The following CELSR1 variants were observed in gnomAD, a reference collection of about 807,000 sequenced individuals.
The protein encoded by CELSR1 is cadherin EGF LAG seven-pass G-type receptor 1.
Under a neutral mutation model 249.1 loss-of-function variants are expected in CELSR1, and 110 were observed. That is an observed-to-expected ratio of 0.44 (90% CI 0.38 to 0.52). The LOEUF is 0.52. CELSR1 is among the 20% of genes least tolerant of loss of function. The pLI, the probability that CELSR1 is intolerant of heterozygous loss-of-function variation, is 0.00. For synonymous variants in CELSR1, 2,113 were observed against 1,900.0 expected (o/e 1.11, Z -2.92); for missense variants, 4,109 against 4,296.4 (o/e 0.96, Z 1.22).
rs1313497324 is a variant in CELSR1 at position 46,440,713 on chromosome 22, C to T, written c.4184-1302G>A. ...AGCTCCTCGTAAATTATGGAAGGAA[C>T]TATTGTCATTTTCATGGCAATTTCC... On this transcript the variant is annotated intron_variant, in intron 2 of 34. Transcript: ENST00000674500. The surrounding 1 kb of genome is among the most constrained non-coding windows in gnomAD (Gnocchi z 4.7). 6.6e-6 allele frequency among the ~76,000 whole-genome samples: 1 copy of T among 152,184 alleles called. No homozygotes were observed. The highest frequency in any genetic ancestry group is 1.5e-5 in the Non-Finnish European group (1 of 68,032).
chr22:46,466,594 C>G (rs1029164907), intron 1 of CELSR1, among the ~76,000 whole-genome samples: 1 of 152,200 alleles, frequency 6.6e-6, no homozygotes, highest in African/African-American at 2.4e-5. Flanking sequence ...TGAGCCTGGC[C>G]ACACTGTGAG....
chr22:46,363,990 A>T lies in CELSR1; in HGVS notation c.9035+6T>A. 6.3e-7 allele frequency: 1 copy of T among 1,593,706 alleles called. No individual in the cohort carries two copies. The highest frequency in any genetic ancestry group is 2.3e-5 in the East Asian group (1 of 44,200). On this transcript the variant is annotated splice_donor_region_variant and intron_variant, in intron 34 of 34. Transcript: ENST00000674500. This position sits in a 1 kb window ranked among gnomAD's most constrained non-coding sequence, Gnocchi z 4.3. ...GATCCCCGCCCTGGAGGCCCAGGCT[A>T]CTCACTCAGAGTCGGAGCCATCGGC... is the stretch of plus-strand genomic sequence containing the variant.
intron 2 of CELSR1, among the ~76,000 whole-genome samples, chr22:46,461,400 C>A (rs954546518): frequency 6.6e-6 from 1 of 152,214 alleles, no homozygotes; most frequent in Non-Finnish European, 1.5e-5. Flanking sequence ...GGGTTCCCCC[C>A]AATGGGTCAA....
In CELSR1 at chr22:46,393,059, G is replaced by GA. The variant is rs2079110691; in HGVS notation, c.5964+1082dup. 6.6e-6 allele frequency among the ~76,000 whole-genome samples: 1 copy of GA among 152,106 alleles called. No homozygotes were observed. Among genetic ancestry groups the GA allele is most frequent in the Non-Finnish European group, 1.5e-5 (1 of 68,018 alleles). ...GGAACCACCGCAGGCACTGGGGGGGGACACTACTGACATCACGAGATGGCA... is the reference window on the plus strand; with the variant it reads ...GGAACCACCGCAGGCACTGGGGGGGGAACACTACTGACATCACGAGATGGCA... On this transcript the variant is annotated intron_variant, in intron 14 of 34. Transcript: ENST00000674500. This position sits in a 1 kb window ranked among gnomAD's most constrained non-coding sequence, Gnocchi z 4.1.
chr22:46,453,948 G>A (rs76864293), intron 2 of CELSR1, among the ~76,000 whole-genome samples: 2,656 of 152,314 alleles, frequency 0.017, 70 homozygotes, highest in African/African-American at 0.058. Context: ...CCCAAAAGGC[G>A]TCCACATCTT....
chr22:46,422,027 T>G (rs141718849), intron 5 of CELSR1, among the ~76,000 whole-genome samples: 1 of 152,288 alleles, frequency 6.6e-6, no homozygotes, highest in Non-Finnish European at 1.5e-5. Context: ...TTACATACTT[T>G]GCAAGGCTTA....
rs750953300 is a variant in CELSR1 at position 46,369,815 on chromosome 22, C to T, written c.7760-11G>A. On this transcript the variant is annotated splice_polypyrimidine_tract_variant and intron_variant, in intron 25 of 34. Coordinates refer to ENST00000674500, the MANE Select transcript of CELSR1 (RefSeq NM_001378328.1). ...GGCCGACCGCCAGTCCTGAACACAG[C>T]GGGGAGGAAGGGAAGGGTGAGGGCC... 4.0e-5 allele frequency: 64 copies of T among 1,610,852 alleles called. No individual in the cohort carries two copies. The highest frequency in any genetic ancestry group is 8.9e-5 in the East Asian group (4 of 44,834).
At chr22:46,397,308 G>C (rs1239854465) in intron 12 of CELSR1, among the ~76,000 whole-genome samples, 1 of 133,714 alleles carries the variant, frequency 7.5e-6, no homozygotes, top group Non-Finnish European at 1.6e-5. Flanking sequence ...TTTTCGTAGA[G>C]ATGGGGTTTC....
chr22:46,390,480 G>A lies in CELSR1; in HGVS notation c.6257C>T (p.Ala2086Val), dbSNP rs775021743. 27 of 1,612,880 alleles carry A rather than the reference G, an allele frequency of 1.7e-5. No individual in the cohort carries two copies. The highest frequency in any genetic ancestry group is 2.7e-5 in the African/African-American group (2 of 74,902). ...CTTCTCCCCGCTGCAGTGTCGGACC[G>A]CATTTCCTGGGGAAGGAGAGCAGGT... ...VPCPKGSVGN[A>V]VRHCSGEKGW... Residue 2086 changes from alanine to valine, a missense_variant, in exon 17 of 35, where the codon GCG (alanine) becomes GTG (valine). Ala to Val is a moderately conservative substitution (Grantham distance 64, BLOSUM62 0). Coordinates refer to ENST00000674500, the MANE Select transcript of CELSR1 (RefSeq NM_001378328.1). This position sits in a 1 kb window ranked among gnomAD's most constrained non-coding sequence, Gnocchi z 6.3.
chr22:46,502,130 G>T (rs184927195), intron 1 of CELSR1, among the ~76,000 whole-genome samples: 29 of 151,460 alleles, frequency 1.9e-4, no homozygotes, highest in African/African-American at 6.3e-4. Context: ...GCACAGTGGC[G>T]CACAAGCCTG....
In CELSR1 at chr22:46,364,191, T is replaced by TTCAGCGTCTGCTCCG. The variant is rs2078739243; in HGVS notation, c.8825_8839dup (p.Thr2942_Leu2946dup). On this transcript the variant is annotated inframe_insertion, in exon 34 of 35. Coordinates refer to ENST00000674500, the MANE Select transcript of CELSR1 (RefSeq NM_001378328.1). ...GGCCAGCTTCTCCCGGAGCCGGCCC[T>TTCAGCGTCTGCTCCG]TCAGCGTCTGCTCCGTCAGCGTCAG... is the stretch of plus-strand genomic sequence containing the variant. 4 of 1,612,016 alleles carry TTCAGCGTCTGCTCCG rather than the reference T, an allele frequency of 2.5e-6. No homozygotes were observed. The East Asian group carries it at 8.9e-5, about 36-fold the overall frequency.
chr22:46,498,647 C>T (rs4823827), intron 1 of CELSR1, among the ~76,000 whole-genome samples: 66,160 of 151,176 alleles, frequency 0.44, 15,708 homozygotes, highest in East Asian at 0.84. Context: ...AACAACACTC[C>T]GGTGGTATGG....
intron 3 of CELSR1, 139 bp downstream of exon 3, chr22:46,439,050 G>A (rs1447879799): frequency 6.0e-5 from 50 of 830,292 alleles, no homozygotes; most frequent in East Asian, 1.8e-4. Context: ...GAGCCACCGC[G>A]CCTGGCCTGG....
chr22:46,426,538 C>T (rs539283295), intron 5 of CELSR1, among the ~76,000 whole-genome samples: 53 of 152,252 alleles, frequency 3.5e-4, no homozygotes, highest in African/African-American at 1.1e-3. Flanking sequence ...ATTCCACTCG[C>T]GGGAGACCCT....
In CELSR1 at chr22:46,423,932, T is replaced by C. The variant is rs545042075; in HGVS notation, c.4611+9461A>G. 6.6e-6 allele frequency among the ~76,000 whole-genome samples: 1 copy of C among 152,112 alleles called. No homozygotes were observed. The highest frequency in any genetic ancestry group is 1.9e-4 in the East Asian group (1 of 5,168). ...CGGAGGTTGCAGTGAGCCGAGATTG[T>C]GCCAGCCTGGGTGACAGAGTGAGAC... On this transcript the variant is annotated intron_variant, in intron 5 of 34. Coordinates refer to ENST00000674500, the MANE Select transcript of CELSR1 (RefSeq NM_001378328.1). This position sits in a 1 kb window ranked among gnomAD's most constrained non-coding sequence, Gnocchi z 5.6.
intron 1 of CELSR1, among the ~76,000 whole-genome samples, chr22:46,521,339 AC>A (rs2080683033): frequency 1.3e-5 from 2 of 152,156 alleles, no homozygotes; most frequent in South Asian, 4.1e-4. Context: ...TCCCGTCTCT[AC>A]TAAAAATTCA....
intron 1 of CELSR1, among the ~76,000 whole-genome samples, chr22:46,483,777 C>T (rs973437327): frequency 2.6e-5 from 4 of 152,256 alleles, no homozygotes; most frequent in South Asian, 2.1e-4. Context: ...GGATGCAGGT[C>T]GCCATCTTCC....
At position 46,401,490 on chromosome 22, in the gene CELSR1, C is replaced by T. The variant is rs933423516; in HGVS notation, c.5227-1588G>A. On this transcript the variant is annotated intron_variant, in intron 9 of 34. Transcript: ENST00000674500. This position sits in a 1 kb window ranked among gnomAD's most constrained non-coding sequence, Gnocchi z 4.7. ...CGTGGCGTGTGCTTCCCTGCAAGGC[C>T]GTCAGCTGGTTCTGGAAGACACAGT... Among the ~76,000 whole-genome samples the T allele has an allele frequency of 6.6e-6, 1 of 152,198 alleles. No individual in the cohort carries two copies. The highest frequency in any genetic ancestry group is 2.4e-5 in the African/African-American group (1 of 41,468).
At chr22:46,487,236 A>G (rs1310507682) in intron 1 of CELSR1, among the ~76,000 whole-genome samples, 1 of 152,246 alleles carries the variant, frequency 6.6e-6, no homozygotes, top group East Asian at 1.9e-4. Context: ...GAGTACCCCA[A>G]GGGTCCTGAA....
Sources: gnomAD v4.1 joint callset for allele counts (sites outside exome capture counted in the v4.1 genomes callset) on GRCh38, gnomAD v4.1.1 for gene constraint, Gnocchi (gnomAD v3.1) non-coding constraint, MANE v1.5 for transcripts, NCBI Gene and HGNC (gene_info 2026-07-23, HGNC 2026-07-21) for gene names.